Variants in NDRG1 observed in about 807,000 individuals in gnomAD.
NDRG1 encodes the protein N-myc downstream regulated 1.
Under a neutral mutation model 56.9 loss-of-function variants are expected in NDRG1, and 32 were observed. The observed-to-expected ratio is 0.56, with a 90% CI of 0.42 to 0.76. NDRG1 has a LOEUF of 0.76. Among genes scored for constraint, NDRG1 ranks in the 30% least tolerant of loss-of-function variants. The pLI is 0.00. For synonymous variants in NDRG1, 211 were observed against 204.1 expected (o/e 1.03, Z -0.29); for missense variants, 507 against 545.7 (o/e 0.93, Z 0.71).
chr8:133,256,985 G>T, intron 7 of NDRG1, 122 bp from the exon 8 acceptor site: 2 of 916,772 alleles, frequency 2.2e-6, no homozygotes, highest in Non-Finnish European at 3.5e-6. Flanking sequence ...AGCAGAGCAG[G>T]CTGCTGCTCC....
intron 2 of NDRG1, among the ~76,000 whole-genome samples, chr8:133,282,228 T>C (rs1857849606): frequency 6.6e-6 from 1 of 152,204 alleles, no homozygotes; most frequent in African/African-American, 2.4e-5. Flanking sequence ...GACCCAGCGA[T>C]GCCACTTCTG....
At chr8:133,260,827 C>T (rs1289373978) in intron 5 of NDRG1, among the ~76,000 whole-genome samples, 1 of 152,098 alleles carries the variant, frequency 6.6e-6, no homozygotes, top group Non-Finnish European at 1.5e-5. Flanking sequence ...ACTTTAAGCC[C>T]AAGAACCTGC....
chr8:133,239,502 A>C, intron 15 of NDRG1: 3 of 342,410 alleles, frequency 8.8e-6, no homozygotes, highest in East Asian at 6.2e-5. Flanking sequence ...CCATGACCCC[A>C]TGCTGTCCAT....
chr8:133,283,914 C>G (rs1033253720), intron 2 of NDRG1, among the ~76,000 whole-genome samples: 1 of 152,224 alleles, frequency 6.6e-6, no homozygotes, highest in Non-Finnish European at 1.5e-5. Context: ...GAGAGAACCT[C>G]TGGTTCGATG....
intron 10 of NDRG1, 85 bp downstream of exon 10, chr8:133,250,355 C>T: frequency 3.3e-6 from 4 of 1,217,786 alleles, no homozygotes; most frequent in Non-Finnish European, 3.7e-6. Flanking sequence ...TCATTTTATA[C>T]TCTCCCTCTC....
chr8:133,243,347 C>A (rs1446897918), intron 14 of NDRG1, among the ~76,000 whole-genome samples: 1 of 152,182 alleles, frequency 6.6e-6, no homozygotes, highest in Non-Finnish European at 1.5e-5. Context: ...GGAATGAGAA[C>A]ACTTGGGCCC....
rs772246928 is a variant in NDRG1 at position 133,256,768 on chromosome 8, C to T, written c.537+9G>A. The T allele has an allele frequency of 2.5e-6, 4 of 1,614,036 alleles. No homozygotes were observed. In the Admixed American group the frequency reaches 6.7e-5, roughly 27 times the overall value. On this transcript the variant is annotated intron_variant, in intron 8 of 15. Coordinates refer to ENST00000323851, the MANE Select transcript of NDRG1 (RefSeq NM_006096.4). Reference sequence around the variant, plus strand: ...GGGATCCCGCCGGCCTGACAGGCCCCCACCTCACCTTGGAGGCGGCCCAGT... The same window carrying T: ...GGGATCCCGCCGGCCTGACAGGCCCTCACCTCACCTTGGAGGCGGCCCAGT...
rs1856819730 is a variant in NDRG1 at position 133,264,574 on chromosome 8, G to A, written c.178C>T (p.Leu60Phe). 3.1e-6 allele frequency: 5 copies of A among 1,614,060 alleles called. No homozygotes were observed. The highest frequency in any genetic ancestry group is 4.2e-6 in the Non-Finnish European group (5 of 1,180,026). ...TTCATGCCGATGTCATGGTAGGTGA[G>A]GATGACAGGCCGGTTTCCCTTGGGA... ...GTPKGNRPVI[L>F]TYHDIGMNHK... Residue 60 changes from leucine to phenylalanine, a missense_variant, in exon 4 of 16, where the codon CTC (leucine) becomes TTC (phenylalanine). Coordinates refer to ENST00000323851, the MANE Select transcript of NDRG1 (RefSeq NM_006096.4).
chr8:133,266,814 G>C (rs1168900582), intron 3 of NDRG1, among the ~76,000 whole-genome samples: 1 of 152,210 alleles, frequency 6.6e-6, no homozygotes, highest in African/African-American at 2.4e-5. Context: ...TGGCCCCGGG[G>C]GGCTGCAGTT....
chr8:133,252,315 G>A (rs1448408593), intron 9 of NDRG1, among the ~76,000 whole-genome samples: 7 of 152,060 alleles, frequency 4.6e-5, no homozygotes, highest in Admixed American at 2.0e-4. Context: ...GGCTCGTCTC[G>A]AACTCCTGAC....
chr8:133,286,057 C>A (rs1858097742), intron 1 of NDRG1, among the ~76,000 whole-genome samples: 1 of 152,188 alleles, frequency 6.6e-6, no homozygotes, highest in African/African-American at 2.4e-5. Flanking sequence ...AGGGTGAAGT[C>A]AGGGGGCTCT....
Position 133,247,912 on chromosome 8 carries a change from A to G in NDRG1, c.770T>C (p.Leu257Ser), listed in dbSNP as rs1371058450. 6.2e-7 allele frequency: 1 copy of G among 1,613,944 alleles called. No individual in the cohort carries two copies. The highest frequency in any genetic ancestry group is 8.5e-7 in the Non-Finnish European group (1 of 1,180,000). ...TGCAGGCGAGCTGTCCCCAACCACC[A>G]ACAGAGCAGGGCACCTGGGGTCAGG... Reference protein sequence around the residue: ...HTVTLQCPALLVVGDSSPAVD... With the variant: ...HTVTLQCPALSVVGDSSPAVD... Residue 257 changes from leucine (L) to serine (S), a missense_variant, in exon 12 of 16, where the codon TTG becomes TCG. Physicochemically the swap from Leu to Ser is moderately radical, Grantham distance 145. Coordinates refer to ENST00000323851, the MANE Select transcript of NDRG1 (RefSeq NM_006096.4).
At chr8:133,295,731 G>A (rs1012403694) in intron 1 of NDRG1, among the ~76,000 whole-genome samples, 3 of 152,222 alleles carry the variant, frequency 2.0e-5, no homozygotes, top group African/African-American at 4.8e-5. Context: ...GTTCTTTTGA[G>A]GCAGCTTAGG....
rs77150138 is a variant in NDRG1 at position 133,239,568 on chromosome 8, G to A, written c.944-449C>T. ...CAGTGGCCCTGCACATCACAGGTGG[G>A]GAAAGGGAGAGGGGCCACACGGCAA... On this transcript the variant is annotated intron_variant, in intron 15 of 15. Coordinates refer to ENST00000323851, the MANE Select transcript of NDRG1 (RefSeq NM_006096.4). 2.6e-3 allele frequency: 534 copies of A among 206,500 alleles called. 10 individuals carry two copies. In the East Asian group the frequency reaches 0.029, roughly 11 times the overall value. 12.8% of individuals were successfully genotyped at this position (206,500 alleles called of 1,614,324 possible).
intron 4 of NDRG1, 113 bp downstream of exon 4, chr8:133,264,434 G>T: frequency 2.2e-6 from 2 of 925,344 alleles, no homozygotes; most frequent in Non-Finnish European, 3.5e-6. Context: ...GCCCCAGGAA[G>T]TCCCAGGCAA....
chr8:133,254,734 G>T, intron 8 of NDRG1, 139 bp from the exon 9 acceptor site: 2 of 807,792 alleles, frequency 2.5e-6, no homozygotes, highest in Non-Finnish European at 4.2e-6. Context: ...CATCCCCCTT[G>T]ATAGAAACTC....
chr8:133,263,425 C>A (rs935487190), intron 4 of NDRG1, among the ~76,000 whole-genome samples: 12 of 152,234 alleles, frequency 7.9e-5, no homozygotes, highest in African/African-American at 2.9e-4. Flanking sequence ...CCTGTGTCTT[C>A]TGATTCCTCA....
chr8:133,253,628 T>A (rs538467647), intron 9 of NDRG1, among the ~76,000 whole-genome samples: 13 of 152,318 alleles, frequency 8.5e-5, no homozygotes, highest in African/African-American at 3.1e-4. Flanking sequence ...AAAGGTCTTA[T>A]CAACAGGTGA....
intron 3 of NDRG1, among the ~76,000 whole-genome samples, chr8:133,279,471 G>A (rs1857656430): frequency 6.6e-6 from 1 of 152,162 alleles, no homozygotes; most frequent in Non-Finnish European, 1.5e-5. Flanking sequence ...GCAGAGTGCA[G>A]AATGGGTCCC....
Sources: allele counts gnomAD v4.1 joint callset (sites outside exome capture counted in the v4.1 genomes callset), GRCh38; gene constraint gnomAD v4.1.1; transcripts MANE v1.5; gene names NCBI Gene and HGNC (gene_info 2026-07-23, HGNC 2026-07-21).